MROH9: variants seen among roughly 807,000 people sequenced by gnomAD.
The protein encoded by MROH9 is maestro heat like repeat family member 9, also known as maestro heat-like repeat-containing protein family member 9.
Under a neutral mutation model 98.2 loss-of-function variants are expected in MROH9, and 92 were observed. The observed-to-expected ratio is 0.94, with a 90% CI of 0.79 to 1.11. The LOEUF (loss-of-function observed/expected upper bound fraction) is 1.11. Among genes scored for constraint, MROH9 ranks in the 50% most tolerant of loss-of-function variants. MROH9 has a pLI of 0.00. For missense variants in MROH9, 1,057 were observed against 1,014.8 expected, an observed-to-expected ratio of 1.04 and a Z score of -0.57; for synonymous variants, 397 against 368.9, an observed-to-expected ratio of 1.08 and a Z score of -0.87.
intron 17 of MROH9, among the ~76,000 whole-genome samples, chr1:171,021,349 A>T (rs1381463873): frequency 6.6e-6 from 1 of 152,174 alleles, no homozygotes; most frequent in Non-Finnish European, 1.5e-5. Flanking sequence ...ATGGTACCTG[A>T]CTTCAAACTA....
intron 11 of MROH9, among the ~76,000 whole-genome samples, chr1:170,991,667 A>G (rs1465519919): frequency 6.6e-6 from 1 of 152,132 alleles, no homozygotes; most frequent in Non-Finnish European, 1.5e-5. Flanking sequence ...GTGACATTTG[A>G]CAAAATGGCT....
intron 20 of MROH9, among the ~76,000 whole-genome samples, chr1:171,055,619 A>AAAAG: frequency 1.4e-5 from 1 of 72,536 alleles, no homozygotes. Flanking sequence ...GAGACTTCAT[A>AAAAG]AAAAAAAAAA....
At chr1:171,041,501 T>C (rs766581157) in intron 20 of MROH9, among the ~76,000 whole-genome samples, 14 of 150,910 alleles carry the variant, frequency 9.3e-5, no homozygotes, top group Non-Finnish European at 1.6e-4. Flanking sequence ...TTGCATGACT[T>C]TGCTATTGTA....
chr1:171,014,331 C>G, intron 16 of MROH9, 77 bp downstream of exon 16: 1 of 1,335,382 alleles, frequency 7.5e-7, no homozygotes, highest in Non-Finnish European at 1.0e-6. Context: ...AACATCTTCA[C>G]TGACAAAGCG....
intron 20 of MROH9, among the ~76,000 whole-genome samples, chr1:171,051,991 T>C (rs1254925779): frequency 1.3e-5 from 2 of 152,150 alleles, no homozygotes; most frequent in East Asian, 1.9e-4. Flanking sequence ...TTATTGCTTG[T>C]ATGTCTAGTA....
At chr1:171,045,115 C>T (rs1372179765) in intron 20 of MROH9, among the ~76,000 whole-genome samples, 1 of 149,882 alleles carries the variant, frequency 6.7e-6, no homozygotes, top group Non-Finnish European at 1.5e-5. Flanking sequence ...CATTCTCCCG[C>T]CTCAGCCTCC....
chr1:170,973,587 A>G (rs1381485646), intron 8 of MROH9, among the ~76,000 whole-genome samples: 1 of 152,196 alleles, frequency 6.6e-6, no homozygotes, highest in Non-Finnish European at 1.5e-5. Context: ...TTTAAAAAAA[A>G]TTATTAGGTT....
intron 15 of MROH9, among the ~76,000 whole-genome samples, chr1:171,009,148 G>A (rs967088162): frequency 1.3e-5 from 2 of 151,868 alleles, no homozygotes; most frequent in African/African-American, 4.8e-5. Context: ...TAATAGGGTA[G>A]AATGGATAGG....
chr1:171,024,558 T>G lies in MROH9; in HGVS notation c.2061+11T>G. The G allele has an allele frequency of 6.6e-7, 1 of 1,525,270 alleles. No homozygotes were observed. The highest frequency in any genetic ancestry group is 1.3e-5 in the South Asian group (1 of 79,034). 94.5% of individuals were successfully genotyped at this position (1,525,270 alleles called of 1,614,324 possible). On this transcript the variant is annotated intron_variant, in intron 18 of 21. Coordinates refer to ENST00000367759, the MANE Select transcript of MROH9 (RefSeq NM_001163629.2). Reference sequence around the variant, plus strand: ...AAAAGAGTAGCTGAAGTAAGTCATTTGATCTTCTTTTTCATAAATTTACCA... The same window carrying G: ...AAAAGAGTAGCTGAAGTAAGTCATTGGATCTTCTTTTTCATAAATTTACCA...
At chr1:171,033,432 G>C (rs941457119) in intron 20 of MROH9, among the ~76,000 whole-genome samples, 5 of 152,162 alleles carry the variant, frequency 3.3e-5, no homozygotes, top group African/African-American at 1.2e-4. Context: ...GGGTTGCACA[G>C]TTTCATCAAA....
rs1010938028 is a variant in MROH9, at chr1:170,979,015, G to A, written c.617-4407G>A. On this transcript the variant is annotated intron_variant, in intron 8 of 21. Transcript: ENST00000367759. ...GATCCAAGCCAGGAGAACCTGTTCA[G>A]TGAAAGCTTAAATGATTGTTAGCAT... Among the ~76,000 whole-genome samples the A allele has an allele frequency of 4.6e-5, 7 of 152,220 alleles. No homozygotes were observed. In the South Asian group the frequency reaches 1.4e-3, roughly 32 times the overall value.
intron 15 of MROH9, among the ~76,000 whole-genome samples, chr1:171,013,695 T>G (rs1479900788): frequency 6.6e-6 from 1 of 152,116 alleles, no homozygotes; most frequent in Admixed American, 6.5e-5. Context: ...GTTGCTACCG[T>G]TTCGCTCACC....
At chr1:171,062,239 T>C (rs765356913) in intron 21 of MROH9, 45 bp downstream of exon 21, 9 of 1,322,064 alleles carry the variant, frequency 6.8e-6, no homozygotes, top group Non-Finnish European at 8.5e-6. Flanking sequence ...TAAATCTAAA[T>C]ACATTTACTA....
chr1:171,003,519 G>T (rs193114777), intron 15 of MROH9, among the ~76,000 whole-genome samples: 1 of 152,248 alleles, frequency 6.6e-6, no homozygotes, highest in South Asian at 2.1e-4. Flanking sequence ...TCTTTTCTGG[G>T]TCTAGCCACC....
At chr1:170,943,207 ATC>A (rs1448251213) in intron 1 of MROH9, among the ~76,000 whole-genome samples, 1 of 152,140 alleles carries the variant, frequency 6.6e-6, no homozygotes, top group Non-Finnish European at 1.5e-5. Flanking sequence ...GAGTGATTTT[ATC>A]TATAAAATGT....
At chr1:171,032,658 G>A (rs1054011166) in intron 20 of MROH9, among the ~76,000 whole-genome samples, 2 of 152,116 alleles carry the variant, frequency 1.3e-5, no homozygotes, top group African/African-American at 4.8e-5. Flanking sequence ...TCCTTCCTCT[G>A]GGATCTCTGA....
intron 1 of MROH9, among the ~76,000 whole-genome samples, chr1:170,941,031 G>T (rs567434907): frequency 6.6e-6 from 1 of 152,132 alleles, no homozygotes; most frequent in Non-Finnish European, 1.5e-5. Flanking sequence ...ACCCAGGATG[G>T]ATTGGGGACA....
intron 3 of MROH9, among the ~76,000 whole-genome samples, chr1:170,949,836 C>T (rs999851589): frequency 2.0e-5 from 3 of 151,870 alleles, no homozygotes; most frequent in African/African-American, 2.4e-5. Context: ...CATATTTCCC[C>T]CAATTCCTCA....
chr1:170,950,771 C>A (rs114521315), intron 3 of MROH9, among the ~76,000 whole-genome samples: 1,542 of 152,144 alleles, frequency 0.01, 25 homozygotes, highest in African/African-American at 0.035. Context: ...AGTTTTATTG[C>A]TGGATCAAAC....
Sources: allele counts gnomAD v4.1 joint callset (sites outside exome capture counted in the v4.1 genomes callset), GRCh38; gene constraint gnomAD v4.1.1; transcripts MANE v1.5; gene names NCBI Gene and HGNC (gene_info 2026-07-23, HGNC 2026-07-21).